CPAMD8: variants seen among roughly 807,000 people sequenced by gnomAD.
CPAMD8 encodes C3 and PZP like alpha-2-macroglobulin domain containing 8, also known as C3 and PZP-like alpha-2-macroglobulin domain-containing protein 8.
In CPAMD8, 146 loss-of-function variants were observed where a neutral mutation model predicts 224.7. That is an observed-to-expected ratio of 0.65 (90% confidence interval 0.57 to 0.75). The LOEUF is 0.75. Among genes scored for constraint, CPAMD8 ranks in the 30% least tolerant of loss-of-function variants. CPAMD8 has a pLI of 0.00. For synonymous variants in CPAMD8, 966 were observed against 1,044.6 expected (o/e 0.92, Z 1.45); for missense variants, 2,301 against 2,537.5 (o/e 0.91, Z 2.00).
intron 18 of CPAMD8, among the ~76,000 whole-genome samples, chr19:16,961,912 C>T (rs1235780996): frequency 6.6e-6 from 1 of 152,186 alleles, no homozygotes; most frequent in African/African-American, 2.4e-5. Flanking sequence ...CTAGAGTGGA[C>T]CTCCACCAAA....
intron 10 of CPAMD8, among the ~76,000 whole-genome samples, chr19:16,998,818 C>G (rs375690197): frequency 6.6e-6 from 1 of 152,142 alleles, no homozygotes; most frequent in East Asian, 1.9e-4. Context: ...CTAGCAATTC[C>G]GCTCCTAGGA....
intron 29 of CPAMD8, chr19:16,907,660 T>G (rs1022027202): frequency 6.7e-6 from 1 of 148,912 alleles, no homozygotes; most frequent in East Asian, 2.0e-4. Flanking sequence ...CAGGCTGGAG[T>G]GCAGTGGCAC....
chr19:16,902,834 C>T lies in CPAMD8; in HGVS notation c.4500G>A (p.Pro1500=), dbSNP rs376391575. ...QIDVTYNVPD[P]VAKPAFQLLV... Reference sequence around the variant, plus strand: ...GCAGCTGGAAAGCTGGCTTGGCCACCGGGTCAGGCACATTGTAGGTGACAT... The same window carrying T: ...GCAGCTGGAAAGCTGGCTTGGCCACTGGGTCAGGCACATTGTAGGTGACAT... Residue 1500 remains proline (P), a synonymous_variant, in exon 35 of 42, where the codon CCG becomes CCA. Transcript: ENST00000443236. The T allele has an allele frequency of 4.2e-5, 66 of 1,553,558 alleles. No homozygotes were observed. The Admixed American group carries it at 9.0e-4, about 21-fold the overall frequency.
chr19:16,954,240 G>A (rs1383917406), intron 19 of CPAMD8, among the ~76,000 whole-genome samples: 1 of 152,026 alleles, frequency 6.6e-6, no homozygotes, highest in Non-Finnish European at 1.5e-5. Context: ...GGCTGAGGCA[G>A]GAGAATTGTG....
At chr19:17,008,064 T>G (rs773921971) in intron 7 of CPAMD8, among the ~76,000 whole-genome samples, 10 of 152,146 alleles carry the variant, frequency 6.6e-5, no homozygotes, top group Non-Finnish European at 8.8e-5. Context: ...AGCTACTCGG[T>G]AGGCTGAGGC....
chr19:16,900,785 G>A, intron 36 of CPAMD8, among the ~76,000 whole-genome samples: 1 of 152,026 alleles, frequency 6.6e-6, no homozygotes. Context: ...GCTGAGGCGG[G>A]AGGATTGCTT....
intron 13 of CPAMD8, among the ~76,000 whole-genome samples, chr19:16,982,288 G>A (rs1427357995): frequency 1.3e-5 from 2 of 151,966 alleles, no homozygotes; most frequent in Admixed American, 6.6e-5. Flanking sequence ...AGCTACTCGG[G>A]AAGCTAAGGC....
intron 22 of CPAMD8, among the ~76,000 whole-genome samples, chr19:16,945,222 C>T (rs2054030874): frequency 6.6e-6 from 1 of 152,138 alleles, no homozygotes; most frequent in African/African-American, 2.4e-5. Context: ...AGTCATGGTC[C>T]CCATAAATGC....
At position 16,945,602 on chromosome 19, in the gene CPAMD8, C is replaced by G; in HGVS notation, c.2740G>C (p.Asp914His). ...SSKHPEENHA[D>H]RRVPIGVDHV... ...TCCACCCCGATGGGGACCCTCCTGT[C>G]GGCGTGATTCTCCTCAGGGTGTTTG... The change falls in exon 22 of 42, where the codon GAC (aspartate) becomes CAC (histidine). Residue 914 changes from aspartate to histidine, a missense_variant. Physicochemically the swap from Asp to His is moderately conservative, Grantham distance 81 (BLOSUM62 -1). Transcript: ENST00000443236. The G allele has an allele frequency of 6.2e-7, 1 of 1,614,208 alleles. No homozygotes were observed. The highest frequency in any genetic ancestry group is 1.1e-5 in the South Asian group (1 of 91,080).
intron 15 of CPAMD8, 89 bp from the exon 16 acceptor site, chr19:16,976,240 C>T: frequency 3.6e-6 from 4 of 1,097,780 alleles, no homozygotes; most frequent in East Asian, 2.7e-5. Flanking sequence ...CTTTGGGAGG[C>T]CGAGGCGGGT....
intron 30 of CPAMD8, among the ~76,000 whole-genome samples, chr19:16,906,420 TTCC>T (rs1458647544): frequency 1.4e-5 from 2 of 146,452 alleles, no homozygotes; most frequent in South Asian, 2.2e-4. Flanking sequence ...CCTTCCTTCC[TTCC>T]TTCCTTCCTT....
intron 3 of CPAMD8, among the ~76,000 whole-genome samples, chr19:17,018,999 G>C (rs2056885555): frequency 6.6e-6 from 1 of 151,866 alleles, no homozygotes; most frequent in Non-Finnish European, 1.5e-5. Flanking sequence ...GGGTGCAATA[G>C]GATGCTGCTT....
intron 1 of CPAMD8, 62 bp downstream of exon 1, chr19:17,026,489 C>A: frequency 7.0e-7 from 1 of 1,436,288 alleles, no homozygotes; most frequent in Non-Finnish European, 9.1e-7. Context: ...CACTCTGAGC[C>A]AGTACCCGCG....
intron 26 of CPAMD8, 86 bp downstream of exon 26, chr19:16,925,110 G>T: frequency 1.4e-6 from 2 of 1,424,304 alleles, no homozygotes; most frequent in Non-Finnish European, 2.0e-6. Context: ...CTGGTGTGTG[G>T]GCCACCTCCA....
chr19:16,924,601 G>A (rs1450865808), intron 26 of CPAMD8, among the ~76,000 whole-genome samples: 1 of 152,140 alleles, frequency 6.6e-6, no homozygotes, highest in South Asian at 2.1e-4. Context: ...ATTTTTTACA[G>A]TTGGGGTCTC....
chr19:17,020,680 G>A (rs1424560981), intron 2 of CPAMD8, among the ~76,000 whole-genome samples: 2 of 152,168 alleles, frequency 1.3e-5, no homozygotes, highest in African/African-American at 4.8e-5. Context: ...GAAAACACCA[G>A]GGGAGAGGAA....
intron 5 of CPAMD8, among the ~76,000 whole-genome samples, chr19:17,010,221 C>T: frequency 6.6e-6 from 1 of 150,976 alleles, no homozygotes; most frequent in East Asian, 1.9e-4. Context: ...TATTTTCCTC[C>T]TCTTTTTTTT....
intron 17 of CPAMD8, among the ~76,000 whole-genome samples, chr19:16,971,557 A>G (rs1254036703): frequency 6.6e-6 from 1 of 152,156 alleles, no homozygotes; most frequent in Non-Finnish European, 1.5e-5. Context: ...AGAGACAGAA[A>G]GCAGATCAAC....
chr19:16,956,028 G>A (rs919543206), intron 19 of CPAMD8, among the ~76,000 whole-genome samples: 7 of 152,082 alleles, frequency 4.6e-5, no homozygotes, highest in Non-Finnish European at 8.8e-5. Flanking sequence ...TTTGGGTCCA[G>A]CAGGAACCTC....
Sources: gnomAD v4.1 joint callset for allele counts (sites outside exome capture counted in the v4.1 genomes callset) on GRCh38, gnomAD v4.1.1 for gene constraint, MANE v1.5 for transcripts, NCBI Gene and HGNC (gene_info 2026-07-23, HGNC 2026-07-21) for gene names.